The following DYNC2LI1 variants were observed in gnomAD, a reference collection of about 807,000 sequenced individuals.
The protein encoded by DYNC2LI1 is dynein cytoplasmic 2 light intermediate chain 1.
Under a neutral mutation model 51.9 loss-of-function variants are expected in DYNC2LI1, and 45 were observed. The observed-to-expected ratio is 0.87, with a 90% CI of 0.68 to 1.11. DYNC2LI1 has a LOEUF of 1.11. Ranked by LOEUF, DYNC2LI1 falls within the 50% of genes most tolerant of loss-of-function variation. The pLI is 0.00. For synonymous variants in DYNC2LI1, 130 were observed against 137.8 expected, an observed-to-expected ratio of 0.94 and a Z score of 0.40; for missense variants, 490 against 417.4, an observed-to-expected ratio of 1.17 and a Z score of -1.51.
At chr2:43,784,565 G>T (rs1047409104) in intron 3 of DYNC2LI1, among the ~76,000 whole-genome samples, 9 of 151,716 alleles carry the variant, frequency 5.9e-5, no homozygotes, top group Admixed American at 5.3e-4. Context: ...TCAGCCTCCC[G>T]CTGGGATTAC....
rs186570338 is a variant in DYNC2LI1, at chr2:43,795,783, C to T, written c.508-107C>T. ...TTCTATGTCAAGCAAATTAAGTAAA[C>T]ATCTATGAAGAGACTGAAAATGGAA... On this transcript the variant is annotated intron_variant, in intron 6 of 12. Transcript: ENST00000260605. The T allele has an allele frequency of 2.7e-5, 21 of 786,860 alleles. No individual in the cohort carries two copies. The Admixed American group carries it at 4.8e-4, about 18-fold the overall frequency. 48.7% of individuals were successfully genotyped at this position (786,860 alleles called of 1,614,324 possible).
At chr2:43,828,288 G>T in the DYNC2LI1 span, 1 of 865,520 alleles carries the variant, frequency 1.2e-6, no homozygotes, top group Non-Finnish European at 1.8e-6. Context: ...GATCCAATTC[G>T]GCTTAAATCG....
At chr2:43,804,518 A>G (rs1666176600) in intron 10 of DYNC2LI1, 124 bp from the exon 11 acceptor site, 1 of 639,494 alleles carries the variant, frequency 1.6e-6, no homozygotes, top group Non-Finnish European at 2.7e-6. Flanking sequence ...TATGGTGACT[A>G]TATTAAGGAG....
At chr2:43,824,108 T>G in the DYNC2LI1 span, 2 of 1,614,244 alleles carry the variant, frequency 1.2e-6, no homozygotes, top group Admixed American at 3.3e-5. Flanking sequence ...ACCAAGTTTC[T>G]TGTCACTCTC....
At chr2:43,827,975 C>A in the DYNC2LI1 span, 1 of 1,613,868 alleles carries the variant, frequency 6.2e-7, no homozygotes, top group Non-Finnish European at 8.5e-7. Flanking sequence ...GTTCTGGGTG[C>A]CACTTACTAG....
intron 1 of DYNC2LI1, chr2:43,775,647 G>C (rs867996297): frequency 1.4e-4 from 49 of 351,940 alleles, no homozygotes; most frequent in Admixed American, 1.1e-4. Context: ...ACGAGTGCAT[G>C]TCACCACACC....
At chr2:43,824,612 C>A in the DYNC2LI1 span, 3 of 985,290 alleles carry the variant, frequency 3.0e-6, no homozygotes, top group Non-Finnish European at 3.6e-6. Context: ...CCTTGAGGAT[C>A]CCATTGGGAT....
chr2:43,775,653 A>T, intron 1 of DYNC2LI1: 1 of 362,226 alleles, frequency 2.8e-6, no homozygotes, highest in Non-Finnish European at 5.3e-6. Flanking sequence ...GCATGTCACC[A>T]CACCCAGCTA....
chr2:43,826,985 C>G, the DYNC2LI1 span, among the ~76,000 whole-genome samples: 74 of 152,322 alleles, frequency 4.9e-4, no homozygotes, highest in East Asian at 0.013. Flanking sequence ...GTGTGGCAGG[C>G]ATTTGGGTTC....
intron 12 of DYNC2LI1, among the ~76,000 whole-genome samples, chr2:43,806,308 G>T (rs1666253552): frequency 6.6e-6 from 1 of 152,206 alleles, no homozygotes; most frequent in Non-Finnish European, 1.5e-5. Flanking sequence ...GAAAGCCCCA[G>T]CAACTTCTCA....
chr2:43,824,022 C>T, the DYNC2LI1 span: 48 of 1,614,042 alleles, frequency 3.0e-5, no homozygotes, highest in Middle Eastern at 1.6e-4. Context: ...TTCGGACCCG[C>T]AGAACGAAGA....
At chr2:43,824,778 C>CA in the DYNC2LI1 span, 2 of 1,539,692 alleles carry the variant, frequency 1.3e-6, no homozygotes, top group Non-Finnish European at 1.8e-6. Flanking sequence ...GTATAAAACA[C>CA]AAAAACAAAA....
At chr2:43,812,940 C>T (rs970374372), downstream of DYNC2LI1, 3 of 617,516 alleles carry the variant, frequency 4.9e-6, no homozygotes, top group Non-Finnish European at 8.7e-6. Context: ...GACTATAAAC[C>T]ACTTCCATTG....
Position 43,801,687 on chromosome 2 carries a change from A to G in DYNC2LI1, c.780A>G (p.Gly260=). The change falls in exon 10 of 13, where the codon GGA becomes GGG. Residue 260 remains glycine, a synonymous_variant. Transcript: ENST00000260605. Reference sequence around the variant, plus strand: ...ATAAACCGCTGTTTATCACAGCAGGATTGGATTCTTTCGGTCAAATAGGTT... The same window carrying G: ...ATAAACCGCTGTTTATCACAGCAGGGTTGGATTCTTTCGGTCAAATAGGTT... The part of the protein sequence containing the change: ...DQNKPLFITA[G]LDSFGQIGSP... 15 of 1,609,866 alleles carry G rather than the reference A, an allele frequency of 9.3e-6. No homozygotes were observed. Among genetic ancestry groups the G allele is most frequent in the Non-Finnish European group, 1.3e-5 (15 of 1,177,840 alleles).
intron 10 of DYNC2LI1, 25 bp downstream of exon 10, chr2:43,801,734 C>G (rs1170838553): frequency 6.4e-7 from 1 of 1,569,350 alleles, no homozygotes; most frequent in Non-Finnish European, 8.7e-7. Context: ...TAAGATTGTT[C>G]AATCTTTTTT....
At chr2:43,810,289 G>A (rs577369001), downstream of DYNC2LI1, 1 of 877,634 alleles carries the variant, frequency 1.1e-6, no homozygotes, top group Non-Finnish European at 1.4e-6. Context: ...GTCGCCATCA[G>A]TGGTCTGGAA....
chr2:43,798,615 T>C (rs1224633907), intron 8 of DYNC2LI1, among the ~76,000 whole-genome samples: 1 of 152,126 alleles, frequency 6.6e-6, no homozygotes, highest in Admixed American at 6.5e-5. Context: ...TTAGATGAAG[T>C]CAGGTCAACG....
At chr2:43,821,016 T>G in the DYNC2LI1 span, among the ~76,000 whole-genome samples, 1 of 152,164 alleles carries the variant, frequency 6.6e-6, no homozygotes, top group Non-Finnish European at 1.5e-5. Flanking sequence ...TTATATTCCT[T>G]TCTCCAAATT....
chr2:43,818,259 C>G, the DYNC2LI1 span, among the ~76,000 whole-genome samples: 7 of 152,034 alleles, frequency 4.6e-5, no homozygotes, highest in Non-Finnish European at 1.0e-4. Context: ...GCCTGGCCAA[C>G]ATGGCGAAAC....
Sources: allele counts gnomAD v4.1 joint callset (sites outside exome capture counted in the v4.1 genomes callset), GRCh38; gene constraint gnomAD v4.1.1; transcripts MANE v1.5; gene names NCBI Gene and HGNC (gene_info 2026-07-23, HGNC 2026-07-21).